LMTK3: variants seen among roughly 807,000 people sequenced by gnomAD.
LMTK3 encodes lemur tail kinase 3, also known as serine/threonine-protein kinase LMTK3.
A neutral mutation model predicts 116.7 loss-of-function variants in LMTK3; 27 were observed. The ratio of observed to expected loss-of-function variants is 0.23; its 90% CI spans 0.17 to 0.32. The LOEUF is 0.32. Ranked by LOEUF, LMTK3 falls within the 10% of genes least tolerant of loss-of-function variation. The pLI, the probability that LMTK3 is intolerant of heterozygous loss-of-function variation, is 1.00. For missense variants in LMTK3, 1,764 were observed against 2,068.5 expected (o/e 0.85, Z 2.86); for synonymous variants, 965 against 971.0 (o/e 0.99, Z 0.11).
In LMTK3 at chr19:48,494,202, C is replaced by T; in HGVS notation, c.3677-93G>A. On this transcript the variant is annotated intron_variant, in intron 11 of 14. Coordinates refer to ENST00000600059, the MANE Select transcript of LMTK3 (RefSeq NM_001388485.1). This position sits in a 1 kb window ranked among gnomAD's most constrained non-coding sequence, Gnocchi z 4.0. ...TGTGGCCTCAGATAAGACCCCCGCACAATCTGGGCCTCAGCACCCACTTTG... is the reference window on the plus strand; with the variant it reads ...TGTGGCCTCAGATAAGACCCCCGCATAATCTGGGCCTCAGCACCCACTTTG... The T allele has an allele frequency of 6.8e-6, 5 of 735,540 alleles. No individual in the cohort carries two copies. The highest frequency in any genetic ancestry group is 8.6e-6 in the Non-Finnish European group (5 of 579,382). The allele number at this position is 735,540 out of a possible 1,614,324, so 45.6% of individuals were successfully genotyped here. A position where few individuals can be genotyped will look rare whatever the true frequency, so the allele number is the denominator to read the frequency against.
In LMTK3 at chr19:48,510,152, C is replaced by T; in HGVS notation, c.232G>A (p.Glu78Lys). ...GFKEFENPEGEDCSGEYTPPA... is the reference protein window; with the variant it reads ...GFKEFENPEGKDCSGEYTPPA... The stretch of plus-strand genomic sequence containing the variant: ...GGAGTGTACTCCCCGGAGCAGTCCT[C>T]CCCTTCAGGGTTCTCAAATTCCTGG... The change falls in exon 3 of 15, where the codon GAG becomes AAG. Residue 78 changes from glutamate (E) to lysine (K), a missense_variant. By Grantham distance (56) the Glu-to-Lys change is moderately conservative. Coordinates refer to ENST00000600059, the MANE Select transcript of LMTK3 (RefSeq NM_001388485.1). 6.2e-7 allele frequency: 1 copy of T among 1,613,596 alleles called. No homozygotes were observed. Among genetic ancestry groups the T allele is most frequent in the Non-Finnish European group, 8.5e-7 (1 of 1,179,612 alleles).
intron 12 of LMTK3, among the ~76,000 whole-genome samples, chr19:48,492,918 TGGCCCTGCCCCATTGCCA>T (rs1972251198): frequency 1.4e-5 from 2 of 142,226 alleles, no homozygotes; most frequent in South Asian, 2.3e-4. Flanking sequence ...CCCATACTCC[TGGCCCTGCCCCATTGCCA>T]GGCCCTGCCC....
At chr19:48,503,503 A>G (rs1194498994) in intron 5 of LMTK3, among the ~76,000 whole-genome samples, 2 of 149,792 alleles carry the variant, frequency 1.3e-5, no homozygotes, top group African/African-American at 2.5e-5. Flanking sequence ...CTTCCTCCTT[A>G]CACCTCACCT....
Position 48,499,276 on chromosome 19 carries a change from T to C in LMTK3, c.1793A>G (p.Gln598Arg), listed in dbSNP as rs1472946657. The change falls in exon 11 of 15, where the codon CAG becomes CGG. Residue 598 changes from glutamine to arginine, a missense_variant. Around this residue, in one of 7 missense-constraint regions of LMTK3, gnomAD observed 1,028 missense variants for 1,050.6 expected, o/e 0.98. Transcript: ENST00000600059. ...LFPAPRPFPA[Q>R]SSASGSFLLS... Reference sequence around the variant, plus strand: ...CAGGAAGCTGCCTGACGCTGAGGACTGGGCTGGGAAGGGCCGGGGCGCAGG... The same window carrying C: ...CAGGAAGCTGCCTGACGCTGAGGACCGGGCTGGGAAGGGCCGGGGCGCAGG... 1 of 1,399,110 alleles carries C rather than the reference T, an allele frequency of 7.1e-7. No individual in the cohort carries two copies. Among genetic ancestry groups the C allele is most frequent in the East Asian group, 2.7e-5 (1 of 36,696 alleles). The allele number at this position is 1,399,110 out of a possible 1,614,324, so 86.7% of individuals were successfully genotyped here.
Position 48,493,821 on chromosome 19 carries a change from G to A in LMTK3, c.3965C>T (p.Ala1322Val), listed in dbSNP as rs1972273502. Residue 1322 changes from alanine (A) to valine (V), a missense_variant, in exon 12 of 15, where the codon GCG (alanine) becomes GTG (valine). Transcript: ENST00000600059. ...PVVVSSADAD[A>V]ARPLRGLLKS... ...GAGCAGCCCCCGCAGCGGGCGGGCCGCGTCCGCGTCGGCGCTGCTCACCAC... is the reference window on the plus strand; with the variant it reads ...GAGCAGCCCCCGCAGCGGGCGGGCCACGTCCGCGTCGGCGCTGCTCACCAC... The A allele has an allele frequency of 6.7e-7, 1 of 1,498,470 alleles. No individual in the cohort carries two copies. The highest frequency in any genetic ancestry group is 8.9e-7 in the Non-Finnish European group (1 of 1,124,358). 92.8% of individuals were successfully genotyped at this position (1,498,470 alleles called of 1,614,324 possible). A position where few individuals can be genotyped will look rare whatever the true frequency, so the allele number is the denominator to read the frequency against.
intron 5 of LMTK3, among the ~76,000 whole-genome samples, chr19:48,503,363 A>T (rs1290251388): frequency 6.6e-6 from 1 of 151,198 alleles, no homozygotes; most frequent in Non-Finnish European, 1.5e-5. Flanking sequence ...TACCTTTTTG[A>T]TCTCAGTTTC....
chr19:48,513,319 C>T (rs535964664), upstream of LMTK3: 7 of 723,820 alleles, frequency 9.7e-6, no homozygotes, highest in East Asian at 1.9e-4. This position sits in a 1 kb window ranked among gnomAD's most constrained non-coding sequence, Gnocchi z 5.6. Flanking sequence ...CCCTCTGAGA[C>T]AGGTATTTTT....
chr19:48,505,081 TTCTC>T (rs59270444), intron 5 of LMTK3, among the ~76,000 whole-genome samples: 4,682 of 135,468 alleles, frequency 0.035, 836 homozygotes, highest in African/African-American at 0.15. Context: ...CTCTGACAGT[TTCTC>T]TCTCTCTCTC....
At position 48,500,657 on chromosome 19, in the gene LMTK3, G is replaced by A. The variant is rs1305861769; in HGVS notation, c.1151+339C>T. On this transcript the variant is annotated intron_variant, in intron 10 of 14. Coordinates refer to ENST00000600059, the MANE Select transcript of LMTK3 (RefSeq NM_001388485.1). This position sits in a 1 kb window ranked among gnomAD's most constrained non-coding sequence, Gnocchi z 4.0. ...TGGGGGGAAGATGCCCATAGAGAGA[G>A]GCTGACGGGACCTGGAGGCAGAGGG... Among the ~76,000 whole-genome samples, 1 of 152,196 alleles carries A rather than the reference G, an allele frequency of 6.6e-6. No homozygotes were observed. Among genetic ancestry groups the A allele is most frequent in the Non-Finnish European group, 1.5e-5 (1 of 68,022 alleles).
intron 5 of LMTK3, among the ~76,000 whole-genome samples, chr19:48,504,067 C>CATGT (rs1972522280): frequency 6.6e-6 from 1 of 152,106 alleles, no homozygotes; most frequent in South Asian, 2.1e-4. Flanking sequence ...AGGGTTTCAC[C>CATGT]ATGTTGGCCA....
Position 48,485,486 on chromosome 19 carries a change from C to CATGA in LMTK3, c.*286_*287insTCAT, listed in dbSNP as rs1207208835. The CATGA allele has an allele frequency of 4.6e-6, 2 of 438,714 alleles. No homozygotes were observed. The highest frequency in any genetic ancestry group is 8.3e-6 in the Non-Finnish European group (2 of 239,652). 27.2% of individuals were successfully genotyped at this position (438,714 alleles called of 1,614,324 possible). ...GAGGGGCTCCAGGCCCAAAAGAGTT[C>CATGA]AGTTCAGTTCCGAGAAAGGCGGCTC... On this transcript the variant is annotated 3_prime_UTR_variant, in exon 15 of 15. Transcript: ENST00000600059.
Position 48,499,209 on chromosome 19 carries a change from G to A in LMTK3, c.1860C>T (p.Thr620=). 1 of 1,408,820 alleles carries A rather than the reference G, an allele frequency of 7.1e-7. No individual in the cohort carries two copies. The highest frequency in any genetic ancestry group is 9.3e-7 in the Non-Finnish European group (1 of 1,076,684). 87.3% of individuals were successfully genotyped at this position (1,408,820 alleles called of 1,614,324 possible). Residue 620 remains threonine (T), a synonymous_variant, in exon 11 of 15, where the codon ACC becomes ACT. Coordinates refer to ENST00000600059, the MANE Select transcript of LMTK3 (RefSeq NM_001388485.1). ...AGACCTCGGCAGGGTCTCCCGCCAG[G>A]GTCTCCCCGGCGCCCCGGCCCTCGG... ...WDPEGRGAGE[T]LAGDPAEVLG...
intron 7 of LMTK3, among the ~76,000 whole-genome samples, chr19:48,501,852 C>T (rs563628353): frequency 6.6e-6 from 1 of 151,308 alleles, no homozygotes; most frequent in Non-Finnish European, 1.5e-5. Context: ...ACTCCTCCCC[C>T]TCCTCTCCCA....
intron 7 of LMTK3, among the ~76,000 whole-genome samples, 174 bp from the exon 8 acceptor site, chr19:48,501,736 T>C (rs1239633813): frequency 1.3e-5 from 2 of 151,920 alleles, no homozygotes; most frequent in Non-Finnish European, 2.9e-5. Flanking sequence ...CCTGCTGTCT[T>C]GTCTTCTCCC....
chr19:48,499,979 G>A, intron 10 of LMTK3, 62 bp from the exon 11 acceptor site: 1 of 1,470,920 alleles, frequency 6.8e-7, no homozygotes, highest in Non-Finnish European at 9.1e-7. Flanking sequence ...GAGACCCAGG[G>A]AGGGGACAGA....
At chr19:48,513,387 C>A (rs1569109267), upstream of LMTK3, 2 of 588,836 alleles carry the variant, frequency 3.4e-6, no homozygotes, top group Non-Finnish European at 6.1e-6. This position sits in a 1 kb window ranked among gnomAD's most constrained non-coding sequence, Gnocchi z 5.6. Context: ...TAGTCACCTG[C>A]CCCAAGGCAC....
At position 48,491,621 on chromosome 19, in the gene LMTK3, G is replaced by A. The variant is rs1972228475; in HGVS notation, c.4093-82C>T. The A allele has an allele frequency of 8.3e-7, 1 of 1,199,120 alleles. No homozygotes were observed. Among genetic ancestry groups the A allele is most frequent in the Non-Finnish European group, 1.1e-6 (1 of 937,290 alleles). The allele number at this position is 1,199,120 out of a possible 1,614,324, so 74.3% of individuals were successfully genotyped here. On this transcript the variant is annotated intron_variant, in intron 12 of 14. Coordinates refer to ENST00000600059, the MANE Select transcript of LMTK3 (RefSeq NM_001388485.1). This position sits in a 1 kb window ranked among gnomAD's most constrained non-coding sequence, Gnocchi z 5.1. ...CGCATCCCCCAAAAGCAACAAAACC[G>A]GCTAATATTTCTGGGGCTCTAGGAA...
rs574099781 is a variant in LMTK3, at chr19:48,494,577, C to T, written c.3677-468G>A. Among the ~76,000 whole-genome samples, 1 of 152,312 alleles carries T rather than the reference C, an allele frequency of 6.6e-6. No individual in the cohort carries two copies. The highest frequency in any genetic ancestry group is 2.4e-5 in the African/African-American group (1 of 41,560). ...AACTCCTGACCTTATGATCTGCCCT[C>T]TTTGGCCTCCCAAAGTGCTGGGATT... On this transcript the variant is annotated intron_variant, in intron 11 of 14. Transcript: ENST00000600059. The surrounding 1 kb of genome is among the most constrained non-coding windows in gnomAD (Gnocchi z 4.0).
In LMTK3 at chr19:48,499,167, G is replaced by A. The variant is rs374268152; in HGVS notation, c.1902C>T (p.Thr634=). The change falls in exon 11 of 15, where the codon ACC becomes ACT. Residue 634 remains threonine, a synonymous_variant. Coordinates refer to ENST00000600059, the MANE Select transcript of LMTK3 (RefSeq NM_001388485.1). ...CCTCTTCTTCTTCCACCCACGGGGC[G>A]GTCCCCCGCTCCCCCAAGACCTCGG... The part of the protein sequence containing the change: ...DPAEVLGERG[T]APWVEEEEEE... 4 of 1,503,078 alleles carry A rather than the reference G, an allele frequency of 2.7e-6. No individual in the cohort carries two copies. Among genetic ancestry groups the A allele is most frequent in the Middle Eastern group, 1.7e-4 (1 of 5,760 alleles). 93.1% of individuals were successfully genotyped at this position (1,503,078 alleles called of 1,614,324 possible). A position where few individuals can be genotyped will look rare whatever the true frequency, so the allele number is the denominator to read the frequency against.
Sources: allele counts gnomAD v4.1 joint callset (sites outside exome capture counted in the v4.1 genomes callset), GRCh38; gene constraint gnomAD v4.1.1; regional missense constraint gnomAD v4.1.1; non-coding constraint Gnocchi (gnomAD v3.1); transcripts MANE v1.5; gene names NCBI Gene and HGNC (gene_info 2026-07-23, HGNC 2026-07-21).